HMGCS1: variants seen among roughly 807,000 people sequenced by gnomAD.
The protein encoded by HMGCS1 is hydroxymethylglutaryl-CoA synthase, cytoplasmic.
In HMGCS1, 9 loss-of-function variants were observed where a neutral mutation model predicts 52.3. That is an observed-to-expected ratio of 0.17 (90% CI 0.10 to 0.30). The LOEUF (loss-of-function observed/expected upper bound fraction) is 0.30. Among genes scored for constraint, HMGCS1 ranks in the 10% least tolerant of loss-of-function variants. The pLI is 1.00. For synonymous variants in HMGCS1, 176 were observed against 214.4 expected, an observed-to-expected ratio of 0.82 and a Z score of 1.57; for missense variants, 320 against 620.9, an observed-to-expected ratio of 0.52 and a Z score of 5.15.
chr5:43,300,678 C>T (rs1475118004), intron 2 of HMGCS1, among the ~76,000 whole-genome samples: 1 of 151,786 alleles, frequency 6.6e-6, no homozygotes, highest in Non-Finnish European at 1.5e-5. Flanking sequence ...GCCTGCAGTC[C>T]CAGCTACTAG....
chr5:43,299,458 G>A (rs1253878062), intron 2 of HMGCS1, among the ~76,000 whole-genome samples: 1 of 151,292 alleles, frequency 6.6e-6, no homozygotes, highest in Non-Finnish European at 1.5e-5. Context: ...GACCATCCTG[G>A]CTAACATGGT....
At chr5:43,293,567 T>G (rs1753883897) in intron 8 of HMGCS1, among the ~76,000 whole-genome samples, 1 of 152,066 alleles carries the variant, frequency 6.6e-6, no homozygotes. Context: ...AATTTTTTTT[T>G]TTTTTTTGGA....
chr5:43,307,722 TAG>T (rs1350601456), intron 2 of HMGCS1, 42 bp downstream of exon 2: 1 of 152,156 alleles, frequency 6.6e-6, no homozygotes, highest in African/African-American at 2.4e-5. Flanking sequence ...CTCCTTCCAT[TAG>T]AGAGGAATAC....
At chr5:43,306,128 T>A (rs1271107475) in intron 2 of HMGCS1, among the ~76,000 whole-genome samples, 1 of 152,196 alleles carries the variant, frequency 6.6e-6, no homozygotes, top group Non-Finnish European at 1.5e-5. Context: ...CTCATTAAAG[T>A]GAAGGCTCAC....
At chr5:43,311,292 C>T (rs993332896) in intron 1 of HMGCS1, among the ~76,000 whole-genome samples, 7 of 142,796 alleles carry the variant, frequency 4.9e-5, no homozygotes, top group African/African-American at 1.9e-4. Context: ...TGCACTCCAG[C>T]TTGGGCGACA....
intron 9 of HMGCS1, 81 bp from the exon 10 acceptor site, chr5:43,292,718 T>C: frequency 6.6e-7 from 1 of 1,505,664 alleles, no homozygotes. Context: ...AAGTTTCATA[T>C]ATCCCAATAA....
At chr5:43,294,936 G>T in intron 6 of HMGCS1, 75 bp from the exon 7 acceptor site, 1 of 919,618 alleles carries the variant, frequency 1.1e-6, no homozygotes, top group Non-Finnish European at 1.6e-6. Flanking sequence ...GGCCTAATTA[G>T]GATTCAAATC....
intron 2 of HMGCS1, among the ~76,000 whole-genome samples, chr5:43,307,431 T>C (rs1754634512): frequency 6.6e-6 from 1 of 152,196 alleles, no homozygotes; most frequent in Non-Finnish European, 1.5e-5. Flanking sequence ...TTTGAGGCCA[T>C]AATTTAAAAA....
intron 2 of HMGCS1, among the ~76,000 whole-genome samples, chr5:43,303,090 A>T (rs912310866): frequency 6.6e-6 from 1 of 152,258 alleles, no homozygotes; most frequent in Admixed American, 6.5e-5. Context: ...TTGTATCTTA[A>T]TTTAATTGGC....
intron 4 of HMGCS1, 111 bp downstream of exon 4, chr5:43,297,898 A>C: frequency 1.2e-6 from 1 of 837,436 alleles, no homozygotes; most frequent in Non-Finnish European, 1.8e-6. Flanking sequence ...GCTCTTAGCA[A>C]GTAGTACCTG....
rs1163112767 is a variant in HMGCS1 at position 43,289,918 on chromosome 5, C to T, written c.*1213G>A. 1 of 129,188 alleles carries T rather than the reference C, an allele frequency of 7.7e-6. No homozygotes were observed. Among genetic ancestry groups the T allele is most frequent in the Non-Finnish European group, 1.7e-5 (1 of 58,440 alleles). The allele number at this position is 129,188 out of a possible 1,614,324, so 8.0% of individuals were successfully genotyped here. A position where few individuals can be genotyped will look rare whatever the true frequency, so the allele number is the denominator to read the frequency against. ...CTATAAGGCTCATGTCATAGTTCAG[C>T]ACCAAAAAGATCTACACAAAACTGT... On this transcript the variant is annotated 3_prime_UTR_variant, in exon 11 of 11. Coordinates refer to ENST00000325110, the MANE Select transcript of HMGCS1 (RefSeq NM_001098272.3).
intron 1 of HMGCS1, among the ~76,000 whole-genome samples, chr5:43,309,561 T>TC (rs1754758104): frequency 1.3e-5 from 2 of 152,150 alleles, no homozygotes; most frequent in African/African-American, 4.8e-5. Flanking sequence ...TTTTGATTAC[T>TC]TAAATTGGAG....
At chr5:43,295,509 AAC>A (rs1753987601) in intron 6 of HMGCS1, among the ~76,000 whole-genome samples, 1 of 152,190 alleles carries the variant, frequency 6.6e-6, no homozygotes, top group Non-Finnish European at 1.5e-5. Context: ...TTATCGTGAC[AAC>A]ATGAATGGAG....
chr5:43,293,155 A>G (rs1257472291), intron 8 of HMGCS1, among the ~76,000 whole-genome samples, 182 bp from the exon 9 acceptor site: 1 of 152,260 alleles, frequency 6.6e-6, no homozygotes, highest in African/African-American at 2.4e-5. Context: ...ATGTCAGACT[A>G]GAAATCTATT....
intron 5 of HMGCS1, among the ~76,000 whole-genome samples, chr5:43,296,793 A>T (rs1046762396): frequency 1.3e-5 from 2 of 152,226 alleles, no homozygotes; most frequent in African/African-American, 2.4e-5. Flanking sequence ...ATATTTTTGC[A>T]GAGATACACC....
Position 43,297,994 on chromosome 5 carries a change from T to C in HMGCS1, c.574+15A>G, listed in dbSNP as rs2111668945. The C allele has an allele frequency of 6.2e-7, 1 of 1,605,820 alleles. No individual in the cohort carries two copies. Among genetic ancestry groups the C allele is most frequent in the African/African-American group, 1.3e-5 (1 of 74,482 alleles). Reference sequence around the variant, plus strand: ...TTGTGCTAAAAAAAACAAAAATGCTTTCCCAAGCACTTACCTCGTTCAAAA... The same window carrying C: ...TTGTGCTAAAAAAAACAAAAATGCTCTCCCAAGCACTTACCTCGTTCAAAA... On this transcript the variant is annotated intron_variant, in intron 4 of 10. Transcript: ENST00000325110.
chr5:43,313,180 A>AC (rs1304075527), intron 1 of HMGCS1, 176 bp downstream of exon 1: 3 of 152,312 alleles, frequency 2.0e-5, no homozygotes, highest in African/African-American at 4.8e-5. Flanking sequence ...TCACGAGGGA[A>AC]CCCCCGCCCG....
rs1722064203 is a variant in HMGCS1 at position 43,298,344 on chromosome 5, G to C, written c.448+174C>G. On this transcript the variant is annotated intron_variant, in intron 3 of 10. Coordinates refer to ENST00000325110, the MANE Select transcript of HMGCS1 (RefSeq NM_001098272.3). This position sits in a 1 kb window ranked among gnomAD's most constrained non-coding sequence, Gnocchi z 5.6. The stretch of plus-strand genomic sequence containing the variant: ...ATAGACCATTTGTCCTACAAGATAA[G>C]ATAACCAATTCACAATTCGGATAAT... The C allele has an allele frequency of 1.5e-6, 1 of 661,990 alleles. No homozygotes were observed. Among genetic ancestry groups the C allele is most frequent in the Non-Finnish European group, 2.5e-6 (1 of 394,308 alleles). 41.0% of individuals were successfully genotyped at this position (661,990 alleles called of 1,614,324 possible). A position where few individuals can be genotyped will look rare whatever the true frequency, so the allele number is the denominator to read the frequency against.
intron 1 of HMGCS1, among the ~76,000 whole-genome samples, chr5:43,311,279 T>G (rs1429113340): frequency 6.9e-6 from 1 of 145,912 alleles, no homozygotes; most frequent in Non-Finnish European, 1.5e-5. Context: ...GAGATCACGC[T>G]GCTGCACTCC....
Sources: gnomAD v4.1 joint callset for allele counts (sites outside exome capture counted in the v4.1 genomes callset) on GRCh38, gnomAD v4.1.1 for gene constraint, Gnocchi (gnomAD v3.1) non-coding constraint, MANE v1.5 for transcripts, NCBI Gene and HGNC (gene_info 2026-07-23, HGNC 2026-07-21) for gene names.